The following UBE2N variants were observed in gnomAD, a reference collection of about 807,000 sequenced individuals.
UBE2N encodes the protein ubiquitin-conjugating enzyme E2 N.
For missense variants in UBE2N, 60 were observed against 192.1 expected (o/e 0.31, Z 4.07); for synonymous variants, 70 against 69.2 (o/e 1.01, Z -0.06).
At chr12:93,413,970 T>A (rs1565792089) in intron 1 of UBE2N, among the ~76,000 whole-genome samples, 2 of 151,852 alleles carry the variant, frequency 1.3e-5, no homozygotes, top group African/African-American at 2.4e-5. Flanking sequence ...GAGACCAGCC[T>A]GATCAACATG....
chr12:93,432,009 G>A (rs1171228874), intron 1 of UBE2N, among the ~76,000 whole-genome samples: 2 of 152,106 alleles, frequency 1.3e-5, no homozygotes, highest in Non-Finnish European at 1.5e-5. Context: ...TGAGGCGGGC[G>A]GATCACGAGG....
chr12:93,420,615 C>T (rs1878379620), intron 1 of UBE2N, among the ~76,000 whole-genome samples: 1 of 152,132 alleles, frequency 6.6e-6, no homozygotes, highest in Non-Finnish European at 1.5e-5. Context: ...TAAATGCTTG[C>T]TTGGTGAACG....
chr12:93,429,343 T>G (rs1354813349), intron 1 of UBE2N: 2 of 414,502 alleles, frequency 4.8e-6, no homozygotes, highest in Non-Finnish European at 4.7e-6. Context: ...AACTCTAACA[T>G]ATTTTTAGAC....
intron 3 of UBE2N, chr12:93,410,513 T>C: frequency 1.6e-6 from 1 of 637,648 alleles, no homozygotes. Flanking sequence ...CCAGGTGTAG[T>C]TACAAGAGAC....
chr12:93,420,666 AATACTGT>A (rs1484125287), intron 1 of UBE2N, among the ~76,000 whole-genome samples: 2 of 152,180 alleles, frequency 1.3e-5, no homozygotes, highest in Non-Finnish European at 2.9e-5. Flanking sequence ...GCTGATGAGG[AATACTGT>A]ATCTGCTGTG....
At chr12:93,426,982 C>T (rs1379961508) in intron 1 of UBE2N, among the ~76,000 whole-genome samples, 1 of 151,900 alleles carries the variant, frequency 6.6e-6, no homozygotes, top group African/African-American at 2.4e-5. Context: ...TGCAGTGGCA[C>T]GATCTCGGCT....
intron 1 of UBE2N, among the ~76,000 whole-genome samples, chr12:93,411,819 G>A (rs1177590648): frequency 6.6e-6 from 1 of 152,020 alleles, no homozygotes; most frequent in Non-Finnish European, 1.5e-5. Context: ...TCGGCCTCCT[G>A]AGTAGCTGGG....
At chr12:93,410,643 C>T (rs941888182) in intron 3 of UBE2N, 91 bp downstream of exon 3, 34 of 1,546,386 alleles carry the variant, frequency 2.2e-5, no homozygotes, top group African/African-American at 1.8e-4. Context: ...TTTTCTATTT[C>T]TTTTCCTTGC....
chr12:93,435,088 G>T (rs368510867), intron 1 of UBE2N, among the ~76,000 whole-genome samples: 8 of 152,080 alleles, frequency 5.3e-5, no homozygotes, highest in African/African-American at 1.9e-4. Context: ...CCCACCTGGA[G>T]GTACATATAT....
intron 1 of UBE2N, among the ~76,000 whole-genome samples, chr12:93,435,155 T>C (rs1878897420): frequency 6.6e-6 from 1 of 152,046 alleles, no homozygotes; most frequent in African/African-American, 2.4e-5. Context: ...GAAAACATTA[T>C]CAGACAAGTA....
intron 1 of UBE2N, among the ~76,000 whole-genome samples, chr12:93,437,587 A>G (rs1019870630): frequency 2.0e-5 from 3 of 152,152 alleles, no homozygotes; most frequent in African/African-American, 7.2e-5. Flanking sequence ...ACTTGAGAAG[A>G]GGAGTTTGAG....
chr12:93,416,775 G>A (rs1878225612), intron 1 of UBE2N, among the ~76,000 whole-genome samples: 1 of 150,754 alleles, frequency 6.6e-6, no homozygotes, highest in South Asian at 2.1e-4. Context: ...TGCACTTTGG[G>A]AGGCTGAGGC....
intron 1 of UBE2N, among the ~76,000 whole-genome samples, chr12:93,426,263 T>C (rs1878579576): frequency 6.6e-6 from 1 of 152,040 alleles, no homozygotes; most frequent in South Asian, 2.1e-4. Flanking sequence ...CTGGGTCAAA[T>C]TCATCCACTT....
intron 1 of UBE2N, among the ~76,000 whole-genome samples, chr12:93,434,936 C>T (rs1878888831): frequency 6.6e-6 from 1 of 151,608 alleles, no homozygotes. Context: ...CAGGGTCTTG[C>T]CTCTATTACC....
chr12:93,437,088 C>T (rs1024693954), intron 1 of UBE2N, among the ~76,000 whole-genome samples: 5 of 151,760 alleles, frequency 3.3e-5, no homozygotes, highest in African/African-American at 1.2e-4. Context: ...CATGGCAAGA[C>T]CCCATCTCTA....
intron 3 of UBE2N, 189 bp from the exon 4 acceptor site, chr12:93,410,268 C>A: frequency 3.6e-6 from 2 of 553,232 alleles, no homozygotes; most frequent in Non-Finnish European, 6.2e-6. Flanking sequence ...CAAAACACTA[C>A]AATAAAATTA....
intron 1 of UBE2N, chr12:93,441,191 A>G (rs1879093940): frequency 6.6e-6 from 1 of 152,448 alleles, no homozygotes; most frequent in South Asian, 2.1e-4. Flanking sequence ...ACGTATTCAG[A>G]AGAGAGAGAT....
intron 1 of UBE2N, among the ~76,000 whole-genome samples, chr12:93,417,206 T>C (rs1592742585): frequency 6.6e-6 from 1 of 152,198 alleles, no homozygotes; most frequent in Non-Finnish European, 1.5e-5. Context: ...GCTACAAATA[T>C]TTTTAAAAGG....
chr12:93,407,906 C>G lies in UBE2N; in HGVS notation c.*2133G>C, dbSNP rs1482156094. The stretch of plus-strand genomic sequence containing the variant: ...TAGCAAAGTAATGGGGGAGTCTTAC[C>G]AAAACTGCAAAGGAAAAAAATATGA... On this transcript the variant is annotated 3_prime_UTR_variant, in exon 4 of 4. Coordinates refer to ENST00000318066, the MANE Select transcript of UBE2N (RefSeq NM_003348.4). The G allele has an allele frequency of 3.9e-5, 6 of 152,058 alleles. No homozygotes were observed. The highest frequency in any genetic ancestry group is 7.4e-5 in the Non-Finnish European group (5 of 68,020). 9.4% of individuals were successfully genotyped at this position (152,058 alleles called of 1,614,324 possible). A position where few individuals can be genotyped will look rare whatever the true frequency, so the allele number is the denominator to read the frequency against.
Sources: allele counts gnomAD v4.1 joint callset (sites outside exome capture counted in the v4.1 genomes callset), GRCh38; gene constraint gnomAD v4.1.1; transcripts MANE v1.5; gene names NCBI Gene and HGNC (gene_info 2026-07-23, HGNC 2026-07-21).